CNTNAP5: variants seen among roughly 807,000 people sequenced by gnomAD.
CNTNAP5 encodes the protein contactin-associated protein-like 5.
CNTNAP5 carries 72 observed loss-of-function variants against 150.2 expected under a neutral mutation model. The observed-to-expected ratio is 0.48, with a 90% CI of 0.40 to 0.58. The LOEUF (loss-of-function observed/expected upper bound fraction) is 0.58, where lower values mean the gene tolerates loss of function less well. Among genes scored for constraint, CNTNAP5 ranks in the 20% least tolerant of loss-of-function variants. The pLI, the probability that CNTNAP5 is intolerant of heterozygous loss-of-function variation, is 0.00. For synonymous variants in CNTNAP5, 672 were observed against 619.8 expected (o/e 1.08, Z -1.25); for missense variants, 1,636 against 1,626.2 (o/e 1.01, Z -0.10).
At chr2:124,416,936 CTTTTTT>C (rs70996064) in intron 3 of CNTNAP5, among the ~76,000 whole-genome samples, 2 of 106,584 alleles carry the variant, frequency 1.9e-5, no homozygotes, top group African/African-American at 3.4e-5. Context: ...AGAGGGATTT[CTTTTTT>C]TTTTTTTTTT....
chr2:124,567,558 A>G (rs558848444), intron 11 of CNTNAP5, among the ~76,000 whole-genome samples: 4 of 152,328 alleles, frequency 2.6e-5, no homozygotes, highest in Admixed American at 2.0e-4. Context: ...GTGGTATCCT[A>G]TTCTCCACAG....
intron 12 of CNTNAP5, among the ~76,000 whole-genome samples, chr2:124,634,467 A>G (rs974722149): frequency 3.3e-5 from 5 of 152,138 alleles, no homozygotes; most frequent in African/African-American, 1.2e-4. Flanking sequence ...TTCTTTTTAT[A>G]TATGATGCAC....
At position 124,087,718 on chromosome 2, in the gene CNTNAP5, T is replaced by A. The variant is rs1028659037; in HGVS notation, c.82+61986T>A. Among the ~76,000 whole-genome samples the A allele has an allele frequency of 1.3e-4, 19 of 151,730 alleles. 1 individual carries two copies. Among genetic ancestry groups the A allele is most frequent in the African/African-American group, 4.6e-4 (19 of 41,038 alleles). ...GCCTGGGCGACAGAGCGAGATTCCATCTCCAAAAACAAAAAATATATTTTC... is the reference window on the plus strand; with the variant it reads ...GCCTGGGCGACAGAGCGAGATTCCAACTCCAAAAACAAAAAATATATTTTC... On this transcript the variant is annotated intron_variant, in intron 1 of 23. Coordinates refer to ENST00000682447, the MANE Select transcript of CNTNAP5 (RefSeq NM_001367498.1).
At position 124,887,080 on chromosome 2, in the gene CNTNAP5, A is replaced by T. The variant is rs146851175; in HGVS notation, c.3437-15802A>T. Among the ~76,000 whole-genome samples the T allele has an allele frequency of 2.0e-5, 3 of 152,150 alleles. 1 individual carries two copies. Among genetic ancestry groups the T allele is most frequent in the African/African-American group, 7.2e-5 (3 of 41,514 alleles). ...TCCATTGTAGTCTGGACTCTGAAGT[A>T]TGGTTGTTAAGTGGACCCTGAAATC... is the stretch of plus-strand genomic sequence containing the variant. On this transcript the variant is annotated intron_variant, in intron 21 of 23. Transcript: ENST00000682447.
intron 13 of CNTNAP5, among the ~76,000 whole-genome samples, chr2:124,719,545 A>G (rs1213388766): frequency 6.6e-6 from 1 of 152,184 alleles, no homozygotes; most frequent in Non-Finnish European, 1.5e-5. Context: ...AATGATGCCT[A>G]CTTTTAATTT....
intron 1 of CNTNAP5, among the ~76,000 whole-genome samples, chr2:124,094,351 C>T (rs536887525): frequency 2.6e-5 from 4 of 152,158 alleles, no homozygotes; most frequent in Non-Finnish European, 4.4e-5. Context: ...TCTACCTGAA[C>T]TCCATTTTCT....
chr2:124,856,024 T>G (rs1159301698), intron 19 of CNTNAP5, among the ~76,000 whole-genome samples: 1 of 151,956 alleles, frequency 6.6e-6, no homozygotes, highest in Non-Finnish European at 1.5e-5. Context: ...CCATCCACGT[T>G]GCTGCGAATG....
intron 3 of CNTNAP5, among the ~76,000 whole-genome samples, chr2:124,258,134 G>C (rs1327094654): frequency 3.2e-4 from 49 of 152,108 alleles, no homozygotes; most frequent in Non-Finnish European, 2.9e-5. Flanking sequence ...AATGCAGATT[G>C]TGTGATGACT....
intron 13 of CNTNAP5, among the ~76,000 whole-genome samples, chr2:124,674,087 T>C (rs1392441532): frequency 6.6e-6 from 1 of 152,152 alleles, no homozygotes. Context: ...ATCCCTGTTT[T>C]AGTGATTTTA....
At chr2:124,705,418 C>T (rs930479295) in intron 13 of CNTNAP5, among the ~76,000 whole-genome samples, 2 of 152,064 alleles carry the variant, frequency 1.3e-5, no homozygotes, top group Non-Finnish European at 2.9e-5. Flanking sequence ...ATCCCAGCTA[C>T]TAGGGAGACT....
At chr2:124,461,428 C>CA (rs1693248613) in intron 6 of CNTNAP5, among the ~76,000 whole-genome samples, 1 of 146,386 alleles carries the variant, frequency 6.8e-6, no homozygotes. Flanking sequence ...ATCGCAAGAA[C>CA]AAAAAACCAA....
intron 3 of CNTNAP5, among the ~76,000 whole-genome samples, chr2:124,414,421 T>C (rs189102359): frequency 6.6e-6 from 1 of 152,266 alleles, no homozygotes; most frequent in Non-Finnish European, 1.5e-5. Context: ...GGACCATGCA[T>C]TGAAAACTTC....
intron 2 of CNTNAP5, among the ~76,000 whole-genome samples, chr2:124,229,731 A>T (rs1229943221): frequency 6.6e-6 from 1 of 152,102 alleles, no homozygotes; most frequent in African/African-American, 2.4e-5. Flanking sequence ...TGTCCGCAGG[A>T]AGTGCAGGGG....
intron 11 of CNTNAP5, among the ~76,000 whole-genome samples, chr2:124,582,819 T>C (rs1253221786): frequency 6.6e-6 from 1 of 152,230 alleles, no homozygotes; most frequent in Admixed American, 6.5e-5. Flanking sequence ...ATTAACTTCT[T>C]GACACAATTT....
At chr2:124,681,266 T>G (rs1000875827) in intron 13 of CNTNAP5, among the ~76,000 whole-genome samples, 2 of 142,472 alleles carry the variant, frequency 1.4e-5, no homozygotes, top group Non-Finnish European at 3.0e-5. Context: ...CGAGCCACTG[T>G]ACTCCAGCCC....
At chr2:124,534,613 G>T (rs1409261111) in intron 10 of CNTNAP5, among the ~76,000 whole-genome samples, 2 of 152,096 alleles carry the variant, frequency 1.3e-5, no homozygotes, top group Non-Finnish European at 2.9e-5. Flanking sequence ...GGTGGCTCAC[G>T]CCTGTAGTCC....
At chr2:124,268,974 G>T (rs1687678975) in intron 3 of CNTNAP5, among the ~76,000 whole-genome samples, 1 of 152,082 alleles carries the variant, frequency 6.6e-6, no homozygotes, top group Non-Finnish European at 1.5e-5. Context: ...ACCCCTAAGT[G>T]CTCGTGGCAT....
chr2:124,473,290 C>T (rs1693562324), intron 6 of CNTNAP5, among the ~76,000 whole-genome samples: 1 of 151,718 alleles, frequency 6.6e-6, no homozygotes, highest in African/African-American at 2.4e-5. Flanking sequence ...AAAAAATATC[C>T]ATTCTTCTCT....
chr2:124,458,913 A>G (rs1053452042), intron 6 of CNTNAP5, among the ~76,000 whole-genome samples: 3 of 152,332 alleles, frequency 2.0e-5, no homozygotes, highest in East Asian at 1.9e-4. Context: ...CTTATAATAT[A>G]CCATGTTGAC....
Sources: gnomAD v4.1 joint callset for allele counts (sites outside exome capture counted in the v4.1 genomes callset) on GRCh38, gnomAD v4.1.1 for gene constraint, MANE v1.5 for transcripts, NCBI Gene and HGNC (gene_info 2026-07-23, HGNC 2026-07-21) for gene names.